Variants in HOOK3 observed in about 807,000 individuals in gnomAD.
HOOK3 encodes protein Hook homolog 3.
HOOK3 carries 24 observed loss-of-function variants against 116.3 expected under a neutral mutation model. That is an observed-to-expected ratio of 0.21 (90% CI 0.15 to 0.29). HOOK3 has a LOEUF of 0.29. Among genes scored for constraint, HOOK3 ranks in the 10% least tolerant of loss-of-function variants. HOOK3 has a pLI of 1.00. For synonymous variants in HOOK3, 275 were observed against 283.0 expected (o/e 0.97, Z 0.28); for missense variants, 632 against 830.2 (o/e 0.76, Z 2.93).
chr8:42,966,256 G>A (rs1808631397), intron 9 of HOOK3, among the ~76,000 whole-genome samples: 1 of 152,126 alleles, frequency 6.6e-6, no homozygotes, highest in African/African-American at 2.4e-5. Flanking sequence ...CTTTCTGGTA[G>A]GGAAATAGTA....
At chr8:42,930,630 A>G (rs975633657) in intron 4 of HOOK3, among the ~76,000 whole-genome samples, 3 of 152,172 alleles carry the variant, frequency 2.0e-5, no homozygotes, top group Non-Finnish European at 4.4e-5. Context: ...TTTGTGATCA[A>G]AGATGCCAAA....
At position 43,019,586 on chromosome 8, in the gene HOOK3, T is replaced by C. The variant is rs1809785877; in HGVS notation, c.*1088T>C. On this transcript the variant is annotated 3_prime_UTR_variant, in exon 22 of 22. Coordinates refer to ENST00000307602, the MANE Select transcript of HOOK3 (RefSeq NM_032410.4). Reference sequence around the variant, plus strand: ...CACATCTATCTGCTAGTCCAGGAATTTGTTACTAAATAGATTTTCTTGGAT... The same window carrying C: ...CACATCTATCTGCTAGTCCAGGAATCTGTTACTAAATAGATTTTCTTGGAT... The C allele has an allele frequency of 4.9e-6, 1 of 203,062 alleles. No homozygotes were observed. The highest frequency in any genetic ancestry group is 1.9e-4 in the South Asian group (1 of 5,236). The allele number at this position is 203,062 out of a possible 1,614,324, so 12.6% of individuals were successfully genotyped here. A position where few individuals can be genotyped will look rare whatever the true frequency, so the allele number is the denominator to read the frequency against.
At chr8:42,981,978 G>A (rs546274809) in intron 13 of HOOK3, among the ~76,000 whole-genome samples, 1 of 151,602 alleles carries the variant, frequency 6.6e-6, no homozygotes, top group Admixed American at 6.6e-5. Context: ...GTAAGGCTGG[G>A]CACAGTGGCT....
chr8:42,970,643 T>TTA (rs1214936012), intron 11 of HOOK3, among the ~76,000 whole-genome samples: 1 of 152,164 alleles, frequency 6.6e-6, no homozygotes, highest in Non-Finnish European at 1.5e-5. Flanking sequence ...CATTTTCACT[T>TTA]TATTGCTAAT....
chr8:43,023,205 C>CAAAAAAAAAAAAAAAAA lies in HOOK3; in HGVS notation c.*4714_*4730dup, dbSNP rs766633886. The CAAAAAAAAAAAAAAAAA allele has an allele frequency of 4.3e-5, 3 of 70,448 alleles. 1 individual carries two copies. The highest frequency in any genetic ancestry group is 2.7e-5 in the Non-Finnish European group (1 of 36,478). The allele number at this position is 70,448 out of a possible 1,614,324, so 4.4% of individuals were successfully genotyped here. On this transcript the variant is annotated 3_prime_UTR_variant, in exon 22 of 22. Coordinates refer to ENST00000307602, the MANE Select transcript of HOOK3 (RefSeq NM_032410.4). Reference sequence around the variant, plus strand: ...TGGGCCACAGAGTGAGACTCCATCTCAAAAAAAAAAAAAAAAAAAAAAAGA... The same window carrying CAAAAAAAAAAAAAAAAA: ...TGGGCCACAGAGTGAGACTCCATCTCAAAAAAAAAAAAAAAAAAAAAAAAAAAAAAAAAAAAAAAAGA...
At chr8:42,980,989 C>G (rs1480960714) in intron 13 of HOOK3, among the ~76,000 whole-genome samples, 1 of 152,116 alleles carries the variant, frequency 6.6e-6, no homozygotes, top group African/African-American at 2.4e-5. Context: ...CACCAGCAGG[C>G]AGGCTCTTAC....
intron 13 of HOOK3, among the ~76,000 whole-genome samples, chr8:42,975,119 G>A (rs1808797445): frequency 6.6e-6 from 1 of 152,184 alleles, no homozygotes. Context: ...GCGGGAACCT[G>A]GGAGGCCAGG....
chr8:42,998,160 A>C, intron 16 of HOOK3: 1 of 159,810 alleles, frequency 6.3e-6, no homozygotes, highest in Non-Finnish European at 1.4e-5. Context: ...CTTGCACTAG[A>C]ATAGTGTAAA....
chr8:42,903,435 C>G (rs1388444766), intron 1 of HOOK3, among the ~76,000 whole-genome samples: 1 of 149,148 alleles, frequency 6.7e-6, no homozygotes, highest in Non-Finnish European at 1.5e-5. Flanking sequence ...AGCTCCACCT[C>G]CCGAGTTCCC....
At chr8:43,017,753 C>T (rs1586636905) in intron 21 of HOOK3, among the ~76,000 whole-genome samples, 1 of 152,176 alleles carries the variant, frequency 6.6e-6, no homozygotes, top group Admixed American at 6.5e-5. Flanking sequence ...CTGGGTCCAG[C>T]AGTTGCCTCC....
At chr8:42,991,318 T>C (rs1313795311) in intron 15 of HOOK3, among the ~76,000 whole-genome samples, 1 of 152,178 alleles carries the variant, frequency 6.6e-6, no homozygotes, top group Non-Finnish European at 1.5e-5. Flanking sequence ...TTTTTCTATT[T>C]CTGTGAAGAA....
Position 42,973,292 on chromosome 8 carries a change from G to C in HOOK3, c.1126G>C (p.Val376Leu). The C allele has an allele frequency of 6.2e-7, 1 of 1,607,928 alleles. No individual in the cohort carries two copies. Among genetic ancestry groups the C allele is most frequent in the Non-Finnish European group, 8.5e-7 (1 of 1,177,762 alleles). ...SQLETYKRQV[V>L]ELQNRLSEES... Reference sequence around the variant, plus strand: ...TAATGGTATCTTTCTGTATCAGGTAGTAGAACTACAAAACAGATTATCCGA... The same window carrying C: ...TAATGGTATCTTTCTGTATCAGGTACTAGAACTACAAAACAGATTATCCGA... The change falls in exon 12 of 22, where the codon GTA (valine) becomes CTA (leucine). Residue 376 changes from valine to leucine, a missense_variant. By Grantham distance (32) the Val-to-Leu change is conservative. Coordinates refer to ENST00000307602, the MANE Select transcript of HOOK3 (RefSeq NM_032410.4).
At chr8:42,912,332 A>G (rs1268665200) in intron 2 of HOOK3, among the ~76,000 whole-genome samples, 1 of 151,900 alleles carries the variant, frequency 6.6e-6, no homozygotes, top group African/African-American at 2.4e-5. Context: ...TCTGATTTAC[A>G]GCCTTCAAAA....
rs551374569 is a variant in HOOK3 at position 43,022,058 on chromosome 8, G to C, written c.*3560G>C. 1 of 172,994 alleles carries C rather than the reference G, an allele frequency of 5.8e-6. No homozygotes were observed. The highest frequency in any genetic ancestry group is 2.7e-5 in the African/African-American group (1 of 37,572). The allele number at this position is 172,994 out of a possible 1,614,324, so 10.7% of individuals were successfully genotyped here. ...GAAATTATATTTCTAAACATTTTAT[G>C]ATGTTTAAAAACAAAACAGGCTGTT... On this transcript the variant is annotated 3_prime_UTR_variant, in exon 22 of 22. Transcript: ENST00000307602.
intron 11 of HOOK3, among the ~76,000 whole-genome samples, chr8:42,971,599 T>A (rs1260752667): frequency 6.6e-6 from 1 of 152,120 alleles, no homozygotes; most frequent in Non-Finnish European, 1.5e-5. Flanking sequence ...ATATTTCATC[T>A]ACAAGCCTTC....
rs766802667 is a variant in HOOK3 at position 42,974,123 on chromosome 8, G to A, written c.1250G>A (p.Arg417Lys). ...TCTCTCCAGAGGCTGAGAACAGAAAGGGATTCTCTGAAGGAAACCATTGAA... is the reference window on the plus strand; with the variant it reads ...TCTCTCCAGAGGCTGAGAACAGAAAAGGATTCTCTGAAGGAAACCATTGAA... ...QKEKDRLRTE[R>K]DSLKETIEEL... The change falls in exon 13 of 22, where the codon AGG becomes AAG. Residue 417 changes from arginine to lysine, a missense_variant. By Grantham distance (26) the Arg-to-Lys change is conservative (BLOSUM62 2). Around this residue, in one of 3 missense-constraint regions of HOOK3, gnomAD observed 483 missense variants for 648.1 expected, o/e 0.75. Transcript: ENST00000307602. The A allele has an allele frequency of 5.6e-6, 9 of 1,613,630 alleles. No individual in the cohort carries two copies. The highest frequency in any genetic ancestry group is 1.7e-4 in the Middle Eastern group (1 of 6,060).
At chr8:42,929,876 T>G (rs1807841492) in intron 3 of HOOK3, among the ~76,000 whole-genome samples, 1 of 152,178 alleles carries the variant, frequency 6.6e-6, no homozygotes, top group Non-Finnish European at 1.5e-5. Context: ...CTCCAGTTGT[T>G]TTCAGTGTGG....
chr8:43,014,778 G>A (rs1809679329), intron 21 of HOOK3, among the ~76,000 whole-genome samples: 1 of 152,140 alleles, frequency 6.6e-6, no homozygotes, highest in Non-Finnish European at 1.5e-5. Flanking sequence ...TGAACACTGT[G>A]ATTTGATCTT....
chr8:42,964,064 AGGCGTGGTGGTG>A (rs1808584195), intron 8 of HOOK3, among the ~76,000 whole-genome samples: 1 of 152,174 alleles, frequency 6.6e-6, no homozygotes, highest in Non-Finnish European at 1.5e-5. Flanking sequence ...AAAATTAGCC[AGGCGTGGTGGTG>A]GGCGCCTGTA....
Sources: gnomAD v4.1 joint callset for allele counts (sites outside exome capture counted in the v4.1 genomes callset) on GRCh38, gnomAD v4.1.1 for gene constraint, gnomAD v4.1.1 regional missense constraint, MANE v1.5 for transcripts, NCBI Gene and HGNC (gene_info 2026-07-23, HGNC 2026-07-21) for gene names.